Variants in INO80 observed in about 807,000 individuals in gnomAD.
INO80 encodes the protein INO80 complex ATPase subunit.
Under a neutral mutation model 203.4 loss-of-function variants are expected in INO80, and 20 were observed. That is an observed-to-expected ratio of 0.10 (90% CI 0.07 to 0.14). INO80 has a LOEUF of 0.14. INO80 is among the 10% of genes least tolerant of loss of function. The pLI is 1.00. For synonymous variants in INO80, 726 were observed against 685.2 expected (o/e 1.06, Z -0.93); for missense variants, 1,419 against 1,914.4 (o/e 0.74, Z 4.83).
At chr15:41,100,730 A>T (rs898750069) in intron 1 of INO80, among the ~76,000 whole-genome samples, 1 of 152,206 alleles carries the variant, frequency 6.6e-6, no homozygotes, top group Non-Finnish European at 1.5e-5. Flanking sequence ...GTGGCAAAAG[A>T]CATAAAACTT....
intron 19 of INO80, among the ~76,000 whole-genome samples, chr15:41,051,053 C>T (rs2044859938): frequency 7.0e-6 from 1 of 141,996 alleles, no homozygotes; most frequent in South Asian, 2.3e-4. Flanking sequence ...CACTTGAACC[C>T]GGGAGGCAGA....
intron 29 of INO80, among the ~76,000 whole-genome samples, chr15:40,990,044 A>G (rs1243519393): frequency 6.6e-6 from 1 of 152,154 alleles, no homozygotes; most frequent in Non-Finnish European, 1.5e-5. Context: ...ATTAGAAATA[A>G]TAATGGCTAA....
intron 1 of INO80, among the ~76,000 whole-genome samples, chr15:41,115,250 G>A (rs1183409959): frequency 6.6e-6 from 1 of 152,218 alleles, no homozygotes; most frequent in Non-Finnish European, 1.5e-5. Flanking sequence ...AACTAGAATA[G>A]TAAGTGGCTG....
chr15:41,015,200 T>G (rs1175820179), intron 27 of INO80, among the ~76,000 whole-genome samples: 1 of 152,200 alleles, frequency 6.6e-6, no homozygotes, highest in East Asian at 1.9e-4. Context: ...TGCACAGTCA[T>G]ATCTTTTCCA....
At position 40,984,349 on chromosome 15, in the gene INO80, T is replaced by C. The variant is rs1036051187; in HGVS notation, c.3925A>G (p.Lys1309Glu). ...TTCCCATCCAATTCATCTTCTTTTT[T>C]CTTCTGGGAACACACGGATAAATAT... ...RKREKYAEKK[K>E]KEDELDGKRR... is the part of the protein sequence containing the mutation. The change falls in exon 33 of 36, where the codon AAA becomes GAA. Residue 1309 changes from lysine (K) to glutamate (E), a missense_variant. This residue lies in a region of INO80 where 214 missense variants were observed against 248.9 expected (regional missense o/e 0.86). Transcript: ENST00000648947. 3 of 1,614,094 alleles carry C rather than the reference T, an allele frequency of 1.9e-6. No homozygotes were observed. Among genetic ancestry groups the C allele is most frequent in the East Asian group, 2.2e-5 (1 of 44,882 alleles).
At chr15:41,114,865 G>T (rs745984488) in intron 1 of INO80, among the ~76,000 whole-genome samples, 1 of 152,126 alleles carries the variant, frequency 6.6e-6, no homozygotes, top group African/African-American at 2.4e-5. Context: ...AGTTACCTAA[G>T]ACTGGAGGGA....
At chr15:41,035,537 A>AT (rs1468612384) in intron 24 of INO80, among the ~76,000 whole-genome samples, 1 of 151,818 alleles carries the variant, frequency 6.6e-6, no homozygotes, top group East Asian at 1.9e-4. Flanking sequence ...AAAAAAAAAA[A>AT]AAGACCGGGC....
At chr15:41,032,929 T>G (rs1045555417) in intron 24 of INO80, among the ~76,000 whole-genome samples, 4 of 152,080 alleles carry the variant, frequency 2.6e-5, no homozygotes, top group South Asian at 2.1e-4. Flanking sequence ...TCCCAGCTAC[T>G]CAGGAGGCTG....
At chr15:41,062,154 G>T (rs2045122672) in intron 14 of INO80, among the ~76,000 whole-genome samples, 1 of 152,046 alleles carries the variant, frequency 6.6e-6, no homozygotes, top group Admixed American at 6.6e-5. Context: ...AATATAAAAA[G>T]TATACAAAAC....
At chr15:41,102,826 T>A (rs759553656) in intron 1 of INO80, among the ~76,000 whole-genome samples, 1 of 152,212 alleles carries the variant, frequency 6.6e-6, no homozygotes, top group Admixed American at 6.5e-5. Flanking sequence ...CTCTATTTAA[T>A]AATCTTTGAA....
Position 41,115,993 on chromosome 15 carries a change from C to T in INO80, c.-64G>A. ...CTCACCTCGGGCCGCCTGGCCCCGC[C>T]GCCGCGACGGCGGCGGAGGGGGGGC... On this transcript the variant is annotated 5_prime_UTR_variant, in exon 1 of 36. Coordinates refer to ENST00000648947, the MANE Select transcript of INO80 (RefSeq NM_017553.3). 2.6e-6 allele frequency: 1 copy of T among 386,966 alleles called. No individual in the cohort carries two copies. The highest frequency in any genetic ancestry group is 4.6e-6 in the Non-Finnish European group (1 of 218,420). The allele number at this position is 386,966 out of a possible 1,614,324, so 24.0% of individuals were successfully genotyped here.
chr15:41,023,100 C>CAAAAAAAAA (rs5812181), intron 25 of INO80: 1 of 274,820 alleles, frequency 3.6e-6, no homozygotes. Flanking sequence ...CAGACTGTCT[C>CAAAAAAAAA]AAAAAAAAAA....
intron 28 of INO80, among the ~76,000 whole-genome samples, chr15:41,003,749 T>G (rs1246843781): frequency 3.3e-5 from 5 of 152,206 alleles, no homozygotes; most frequent in Non-Finnish European, 5.9e-5. Context: ...GATCCTTAAA[T>G]GTACAGTATC....
At chr15:40,985,576 G>C in intron 31 of INO80, 150 bp from the exon 32 acceptor site, 1 of 661,014 alleles carries the variant, frequency 1.5e-6, no homozygotes, top group South Asian at 1.8e-5. Flanking sequence ...TTTCTAACTT[G>C]GATTCTCAAT....
intron 26 of INO80, chr15:41,017,335 T>A (rs2140459952): frequency 6.6e-6 from 1 of 152,290 alleles, no homozygotes; most frequent in South Asian, 2.1e-4. Context: ...ATTGCTGTCA[T>A]TAAGAGGGGA....
chr15:41,056,020 T>C (rs901355825), intron 17 of INO80, among the ~76,000 whole-genome samples: 1 of 147,502 alleles, frequency 6.8e-6, no homozygotes, highest in Non-Finnish European at 1.5e-5. Flanking sequence ...TCTCGGCTCA[T>C]TGTAACTTTG....
chr15:41,103,575 G>A (rs1035258429), intron 1 of INO80, among the ~76,000 whole-genome samples: 3 of 152,046 alleles, frequency 2.0e-5, no homozygotes, highest in Non-Finnish European at 2.9e-5. Context: ...ATTTTCAGTA[G>A]AGACGGGATT....
intron 16 of INO80, among the ~76,000 whole-genome samples, chr15:41,057,797 CAA>C (rs35197370): frequency 2.7e-4 from 8 of 29,342 alleles, no homozygotes; most frequent in African/African-American, 7.1e-4. Flanking sequence ...AACTACATCT[CAA>C]AAAAAAAAAA....
rs766749478 is a variant in INO80, at chr15:40,987,103, A to G, written c.3820T>C (p.Leu1274=). 1.6e-5 allele frequency: 26 copies of G among 1,603,248 alleles called. No individual in the cohort carries two copies. The highest frequency in any genetic ancestry group is 2.2e-5 in the Non-Finnish European group (26 of 1,170,206). Residue 1274 remains leucine (L), a synonymous_variant, in exon 31 of 36, where the codon TTG becomes CTG. Transcript: ENST00000648947. ...TTAGAGTACATACGTTTCTTCTCCA[A>G]CTCTTCGTCGTCTAGAAGAAGACTA... ...VVSLLLDDEE[L]EKKLRLRQEE...
Sources: gnomAD v4.1 joint callset for allele counts (sites outside exome capture counted in the v4.1 genomes callset) on GRCh38, gnomAD v4.1.1 for gene constraint, gnomAD v4.1.1 regional missense constraint, MANE v1.5 for transcripts, NCBI Gene and HGNC (gene_info 2026-07-23, HGNC 2026-07-21) for gene names.